Variants in ZC3H12B observed in about 807,000 individuals in gnomAD.
ZC3H12B encodes the protein probable ribonuclease ZC3H12B.
Under a neutral mutation model 43.9 loss-of-function variants are expected in ZC3H12B, and 7 were observed. That is an observed-to-expected ratio of 0.16 (90% CI 0.09 to 0.30). The LOEUF (loss-of-function observed/expected upper bound fraction) is 0.30. Among genes scored for constraint, ZC3H12B ranks in the 10% least tolerant of loss-of-function variants. The probability of loss-of-function intolerance (pLI) is 1.00; values close to 1 mark genes in which losing one functional copy is unlikely to be tolerated. For synonymous variants in ZC3H12B, 222 were observed against 241.7 expected (o/e 0.92, Z 0.76); for missense variants, 475 against 670.2 (o/e 0.71, Z 3.22).
the ZC3H12B span, among the ~76,000 whole-genome samples, chrX:65,073,510 T>C: frequency 1.8e-5 from 2 of 111,871 alleles, no homozygotes; most frequent in African/African-American, 6.5e-5. Context: ...ATTGGACTGG[T>C]TTTGTGTAAT....
At chrX:65,448,963 G>GAAAGAAAGAAAGAAAAAGAAAGAAAGAA (rs1569412179) in intron 3 of ZC3H12B, among the ~76,000 whole-genome samples, 44 of 83,284 alleles carry the variant, frequency 5.3e-4, no homozygotes, top group African/African-American at 2.9e-3. Flanking sequence ...GAAAAAGAAA[G>GAAAGAAAGAAAGAAAAAGAAAGAAAGAA]AAAGAAAGAA....
the ZC3H12B span, among the ~76,000 whole-genome samples, chrX:65,263,692 A>G: frequency 9.0e-6 from 1 of 111,670 alleles, no homozygotes; most frequent in Non-Finnish European, 1.9e-5. Context: ...TGGCCTTAAA[A>G]GTGGATGTTT....
chrX:65,401,219 C>T lies in ZC3H12B; in HGVS notation n.407+2515C>T, dbSNP rs781219416. On this transcript the variant is annotated intron_variant and non_coding_transcript_variant, in intron 3 of 5. Coordinates refer to the ZC3H12B transcript ENST00000617377. ...CCTGAATCTCAAATGCCACCCCTTC[C>T]GCACCCTTGGCAGCAGCAGTGTGGT... Among the ~76,000 whole-genome samples, 68 of 111,602 alleles carry T rather than the reference C, an allele frequency of 6.1e-4. 1 individual carries two copies. Among genetic ancestry groups the T allele is most frequent in the African/African-American group, 1.9e-3 (59 of 30,737 alleles).
At chrX:65,159,225 C>A in the ZC3H12B span, among the ~76,000 whole-genome samples, 1 of 111,904 alleles carries the variant, frequency 8.9e-6, no homozygotes, top group Admixed American at 9.6e-5. Context: ...CAGCTTTGTT[C>A]TTTTGGCTTA....
intron 2 of ZC3H12B, among the ~76,000 whole-genome samples, chrX:65,394,028 C>G (rs1212008800): frequency 1.8e-5 from 2 of 112,066 alleles, no homozygotes; most frequent in African/African-American, 6.5e-5. Context: ...ATATCCTTCA[C>G]CCAATTTTCA....
At chrX:65,262,482 A>G in the ZC3H12B span, among the ~76,000 whole-genome samples, 4 of 111,499 alleles carry the variant, frequency 3.6e-5, no homozygotes, top group Admixed American at 2.9e-4. Flanking sequence ...ATTTTTGTCA[A>G]TTTGGGTGAT....
At chrX:65,193,743 C>G in the ZC3H12B span, among the ~76,000 whole-genome samples, 1 of 111,541 alleles carries the variant, frequency 9.0e-6, no homozygotes, top group Non-Finnish European at 1.9e-5. Context: ...AATTTTTCTA[C>G]TTTTTGGTGT....
At chrX:65,362,581 C>T (rs1482715264), upstream of ZC3H12B, among the ~76,000 whole-genome samples, 1 of 110,215 alleles carries the variant, frequency 9.1e-6, no homozygotes, top group Admixed American at 9.7e-5. Flanking sequence ...TCATATCCCC[C>T]CACCTTAACC....
At chrX:65,111,473 G>GAT in the ZC3H12B span, among the ~76,000 whole-genome samples, 17 of 110,402 alleles carry the variant, frequency 1.5e-4, no homozygotes, top group African/African-American at 3.0e-4. Context: ...TGCACTGAAG[G>GAT]ATATATATAT....
chrX:65,286,932 CA>C, the ZC3H12B span, among the ~76,000 whole-genome samples: 7 of 110,335 alleles, frequency 6.3e-5, no homozygotes, highest in African/African-American at 2.3e-4. Flanking sequence ...AAACAGTAAA[CA>C]AAAAAGACAA....
chrX:65,452,610 G>C (rs959379052), intron 3 of ZC3H12B, among the ~76,000 whole-genome samples: 5 of 111,808 alleles, frequency 4.5e-5, no homozygotes, highest in Non-Finnish European at 7.5e-5. Context: ...GGAGGCCGAG[G>C]TGGGTGGATC....
chrX:65,476,813 T>C (rs1270969240), intron 3 of ZC3H12B, among the ~76,000 whole-genome samples: 5 of 108,653 alleles, frequency 4.6e-5, no homozygotes, highest in Non-Finnish European at 7.6e-5. Flanking sequence ...CCTCTAGTCA[T>C]GTGAAACTGC....
the ZC3H12B span, among the ~76,000 whole-genome samples, chrX:65,335,011 G>A: frequency 4.5e-5 from 5 of 111,688 alleles, no homozygotes; most frequent in African/African-American, 1.6e-4. Flanking sequence ...CGTGCAGAGA[G>A]TGGAGTATTC....
chrX:65,287,271 A>G, the ZC3H12B span, among the ~76,000 whole-genome samples: 1 of 111,910 alleles, frequency 8.9e-6, no homozygotes, highest in South Asian at 3.7e-4. Context: ...TCTTTAGGGT[A>G]GATAATATTT....
At chrX:65,468,297 T>G (rs28871744) in intron 3 of ZC3H12B, among the ~76,000 whole-genome samples, 12,224 of 111,060 alleles carry the variant, frequency 0.11, 1,632 homozygotes, top group African/African-American at 0.37. Flanking sequence ...TTATCTATTC[T>G]TTTTCTTTGG....
intron 2 of ZC3H12B, among the ~76,000 whole-genome samples, chrX:65,387,790 T>G (rs751667427): frequency 1.8e-5 from 2 of 112,864 alleles, no homozygotes; most frequent in African/African-American, 6.4e-5. Context: ...GGTTGTTCCT[T>G]TTCATGTTTA....
chrX:65,116,440 G>C, the ZC3H12B span, among the ~76,000 whole-genome samples: 1 of 111,111 alleles, frequency 9.0e-6, no homozygotes, highest in African/African-American at 3.3e-5. Context: ...ATGTTGTTTT[G>C]GTGACTATGG....
chrX:65,152,642 G>A, the ZC3H12B span, among the ~76,000 whole-genome samples: 1 of 111,246 alleles, frequency 9.0e-6, no homozygotes, highest in Non-Finnish European at 1.9e-5. Flanking sequence ...TCAATATCGT[G>A]AAAATGGCCA....
chrX:65,230,301 G>T, the ZC3H12B span, among the ~76,000 whole-genome samples: 1 of 109,377 alleles, frequency 9.1e-6, no homozygotes, highest in Non-Finnish European at 1.9e-5. Context: ...AACCAAACAT[G>T]CATTTTCTCA....
Sources: allele counts gnomAD v4.1 joint callset (sites outside exome capture counted in the v4.1 genomes callset), GRCh38; gene constraint gnomAD v4.1.1; transcripts MANE v1.5; gene names NCBI Gene and HGNC (gene_info 2026-07-23, HGNC 2026-07-21).